Variants in LPCAT2 observed in about 807,000 individuals in gnomAD.
LPCAT2 encodes the protein 1-AGP acyltransferase 11.
Under a neutral mutation model 64.7 loss-of-function variants are expected in LPCAT2, and 58 were observed. The ratio of observed to expected loss-of-function variants is 0.90; its 90% CI spans 0.73 to 1.12. The LOEUF is 1.12. Among genes scored for constraint, LPCAT2 ranks in the 50% most tolerant of loss-of-function variants. LPCAT2 has a pLI of 0.00. For synonymous variants in LPCAT2, 252 were observed against 245.3 expected, an observed-to-expected ratio of 1.03 and a Z score of -0.26; for missense variants, 579 against 669.8, an observed-to-expected ratio of 0.86 and a Z score of 1.50.
chr16:55,569,994 T>C (rs1365791575), intron 11 of LPCAT2, among the ~76,000 whole-genome samples: 1 of 152,214 alleles, frequency 6.6e-6, no homozygotes, highest in Non-Finnish European at 1.5e-5. Context: ...TATAACTCCA[T>C]GCCATTATTC....
intron 1 of LPCAT2, among the ~76,000 whole-genome samples, chr16:55,523,044 T>A (rs1186305540): frequency 1.3e-5 from 2 of 151,710 alleles, no homozygotes; most frequent in Non-Finnish European, 3.0e-5. Flanking sequence ...ATATTTTCAA[T>A]GCATATATTG....
At chr16:55,537,387 TC>T (rs111668979) in intron 7 of LPCAT2, among the ~76,000 whole-genome samples, 190 bp from the exon 8 acceptor site, 15,407 of 137,302 alleles carry the variant, frequency 0.11, 1,083 homozygotes, top group East Asian at 0.2. Flanking sequence ...TAAGACCCTG[TC>T]CCCAAAAAAA....
intron 11 of LPCAT2, chr16:55,556,871 G>A (rs1306298706): frequency 6.6e-6 from 1 of 152,266 alleles, no homozygotes; most frequent in Non-Finnish European, 1.5e-5. Flanking sequence ...TGGGGAAGGG[G>A]ATATAAACCA....
intron 1 of LPCAT2, among the ~76,000 whole-genome samples, chr16:55,517,685 C>A (rs988543746): frequency 6.6e-6 from 1 of 152,020 alleles, no homozygotes; most frequent in Non-Finnish European, 1.5e-5. Flanking sequence ...GTTCGTTCAA[C>A]ATAGAAAAAT....
At chr16:55,522,232 A>G (rs1963107615) in intron 1 of LPCAT2, among the ~76,000 whole-genome samples, 2 of 151,858 alleles carry the variant, frequency 1.3e-5, no homozygotes, top group South Asian at 2.1e-4. Flanking sequence ...AAATCAAGTA[A>G]TCTAATTTAT....
At chr16:55,525,973 G>A (rs969473951) in intron 2 of LPCAT2, 3 of 160,196 alleles carry the variant, frequency 1.9e-5, no homozygotes, top group Non-Finnish European at 2.7e-5. Context: ...TCCCTAGTTC[G>A]GAAAGATACC....
Position 55,551,051 on chromosome 16 carries a change from A to G in LPCAT2, c.1164A>G (p.Leu388=). The G allele has an allele frequency of 1.2e-6, 2 of 1,613,160 alleles. No homozygotes were observed. The highest frequency in any genetic ancestry group is 1.7e-6 in the Non-Finnish European group (2 of 1,179,404). The change falls in exon 11 of 14, where the codon TTA becomes TTG. Residue 388 remains leucine, a synonymous_variant. Transcript: ENST00000262134. ...GAATTGAAGAATTCGCCAAGTATTT[A>G]AAGTTGCCTGTTTCAGATGTCTTGA... ...RIGIEEFAKY[L]KLPVSDVLRQ...
At chr16:55,582,884 C>T in intron 13 of LPCAT2, 30 bp from the exon 14 acceptor site, 1 of 1,482,278 alleles carries the variant, frequency 6.7e-7, no homozygotes, top group South Asian at 1.2e-5. Flanking sequence ...TTCACCCCAA[C>T]TTATTGGATT....
intron 8 of LPCAT2, 82 bp from the exon 9 acceptor site, chr16:55,545,653 T>C (rs149606528): frequency 1.2e-6 from 1 of 862,036 alleles, no homozygotes; most frequent in African/African-American, 1.7e-5. Flanking sequence ...TTCAATATAT[T>C]GATAATGTAT....
Position 55,533,406 on chromosome 16 carries a change from G to GTTTTT in LPCAT2, c.762+542_762+546dup, listed in dbSNP as rs11335464. Among the ~76,000 whole-genome samples the GTTTTT allele has an allele frequency of 7.2e-3, 693 of 96,436 alleles. 25 individuals carry two copies. Among genetic ancestry groups the GTTTTT allele is most frequent in the African/African-American group, 0.016 (378 of 24,300 alleles). 63.3% of individuals were successfully genotyped at this position (96,436 alleles called of 152,430 possible). ...CTTAACATCTTTTTTTGTTTTTCGG[G>GTTTTT]TTTTTTTTTTTTTTTTTTTTTTGAG... is the stretch of plus-strand genomic sequence containing the variant. On this transcript the variant is annotated intron_variant, in intron 6 of 13. Transcript: ENST00000262134.
intron 11 of LPCAT2, among the ~76,000 whole-genome samples, chr16:55,552,192 A>G (rs1963525321): frequency 6.6e-6 from 1 of 152,214 alleles, no homozygotes; most frequent in African/African-American, 2.4e-5. Flanking sequence ...ATGGAATCAT[A>G]CAGTATATAG....
In LPCAT2 at chr16:55,569,021, C is replaced by T. The variant is rs1364361232; in HGVS notation, c.1216-5610C>T. On this transcript the variant is annotated intron_variant, in intron 11 of 13. Transcript: ENST00000262134. ...TGATTTTTAATGCATTGTCTCTATC[C>T]CAGGCTACTTTGGAGGGTCATCCCG... Among the ~76,000 whole-genome samples, 5 of 152,090 alleles carry T rather than the reference C, an allele frequency of 3.3e-5. No individual in the cohort carries two copies. In the East Asian group the frequency reaches 9.6e-4, roughly 29 times the overall value.
chr16:55,515,326 T>C (rs1313176584), intron 1 of LPCAT2, among the ~76,000 whole-genome samples: 6 of 149,926 alleles, frequency 4.0e-5, no homozygotes, highest in African/African-American at 1.5e-4. Flanking sequence ...CACAAGGGAG[T>C]AGCAGGATGA....
chr16:55,574,821 G>A (rs1963810283), intron 12 of LPCAT2, 92 bp downstream of exon 12: 2 of 919,934 alleles, frequency 2.2e-6, no homozygotes, highest in Non-Finnish European at 3.6e-6. Flanking sequence ...AATCTATTAT[G>A]TGATTTTATA....
In LPCAT2 at chr16:55,584,486, A is replaced by G. The variant is rs1437691974; in HGVS notation, c.*1388A>G. The G allele has an allele frequency of 6.6e-6, 1 of 152,232 alleles. No homozygotes were observed. Among genetic ancestry groups the G allele is most frequent in the East Asian group, 1.9e-4 (1 of 5,196 alleles). The allele number at this position is 152,232 out of a possible 1,614,324, so 9.4% of individuals were successfully genotyped here. A position where few individuals can be genotyped will look rare whatever the true frequency, so the allele number is the denominator to read the frequency against. Reference sequence around the variant, plus strand: ...TTGTCATTTTTAATGGGTCTCACACATGCATATTGCTAATATCATTCATGT... The same window carrying G: ...TTGTCATTTTTAATGGGTCTCACACGTGCATATTGCTAATATCATTCATGT... On this transcript the variant is annotated 3_prime_UTR_variant, in exon 14 of 14. Transcript: ENST00000262134.
At chr16:55,549,678 A>C (rs1312988664) in intron 10 of LPCAT2, among the ~76,000 whole-genome samples, 1 of 152,208 alleles carries the variant, frequency 6.6e-6, no homozygotes, top group Non-Finnish European at 1.5e-5. Context: ...AGAGGGAGTT[A>C]GTGGCTCAGA....
rs1963080257 is a variant in LPCAT2, at chr16:55,520,527, A to C, written c.172-4981A>C. Among the ~76,000 whole-genome samples, 3 of 152,136 alleles carry C rather than the reference A, an allele frequency of 2.0e-5. No individual in the cohort carries two copies. In the East Asian group the frequency reaches 5.8e-4, roughly 29 times the overall value. On this transcript the variant is annotated intron_variant, in intron 1 of 13. Coordinates refer to ENST00000262134, the MANE Select transcript of LPCAT2 (RefSeq NM_017839.5). ...TGGTAACCACTTTTACTGAATTGACATTTATGGAACACTACCTCCAAAAAT... is the reference window on the plus strand; with the variant it reads ...TGGTAACCACTTTTACTGAATTGACCTTTATGGAACACTACCTCCAAAAAT...
chr16:55,576,015 T>C (rs1963823535), intron 12 of LPCAT2, among the ~76,000 whole-genome samples: 1 of 152,184 alleles, frequency 6.6e-6, no homozygotes, highest in Non-Finnish European at 1.5e-5. Flanking sequence ...TAATTATCAG[T>C]TTAGTTGAGC....
chr16:55,537,524 T>C (rs1174092476), intron 7 of LPCAT2, 54 bp from the exon 8 acceptor site: 12 of 1,346,672 alleles, frequency 8.9e-6, no homozygotes, highest in Non-Finnish European at 1.2e-5. Context: ...TTGAATAATA[T>C]AAGATGATAC....
Sources: gnomAD v4.1 joint callset for allele counts (sites outside exome capture counted in the v4.1 genomes callset) on GRCh38, gnomAD v4.1.1 for gene constraint, MANE v1.5 for transcripts, NCBI Gene and HGNC (gene_info 2026-07-23, HGNC 2026-07-21) for gene names.